The following NFE2L2 variants were observed in gnomAD, a reference collection of about 807,000 sequenced individuals.
The protein encoded by NFE2L2 is nuclear factor erythroid 2-related factor 2.
In NFE2L2, 20 loss-of-function variants were observed where a neutral mutation model predicts 49.6. The observed-to-expected ratio is 0.40, with a 90% confidence interval of 0.28 to 0.59. The LOEUF is 0.59. Among genes scored for constraint, NFE2L2 ranks in the 20% least tolerant of loss-of-function variants. The pLI is 0.40. For missense variants in NFE2L2, 578 were observed against 714.2 expected (o/e 0.81, Z 2.17); for synonymous variants, 244 against 256.5 (o/e 0.95, Z 0.47).
intron 1 of NFE2L2, among the ~76,000 whole-genome samples, chr2:177,239,037 AC>A (rs1689857004): frequency 1.3e-5 from 2 of 152,200 alleles, no homozygotes; most frequent in Admixed American, 1.3e-4. Flanking sequence ...TGCTGTGAGT[AC>A]CCTTCAATGG....
chr2:177,244,993 ACT>A lies in NFE2L2; in HGVS notation c.46-10724_46-10723del, dbSNP rs1276721095. 1.2e-4 allele frequency among the ~76,000 whole-genome samples: 13 copies of A among 108,084 alleles called. No individual in the cohort carries two copies. In the Admixed American group the frequency reaches 1.6e-3, roughly 13 times the overall value. 70.9% of individuals were successfully genotyped at this position (108,084 alleles called of 152,430 possible). On this transcript the variant is annotated intron_variant, in intron 1 of 4. Coordinates refer to ENST00000397062, the MANE Select transcript of NFE2L2 (RefSeq NM_006164.5). Reference sequence around the variant, plus strand: ...ACTCCAGCCAGAAGGACAGAGTGAGACTCTGTCTCAAAAAAAAAAAAAAAAAA... The same window carrying A: ...ACTCCAGCCAGAAGGACAGAGTGAGACTGTCTCAAAAAAAAAAAAAAAAAA...
At chr2:177,234,420 T>C in intron 1 of NFE2L2, 149 bp from the exon 2 acceptor site, 1 of 944,002 alleles carries the variant, frequency 1.1e-6, no homozygotes, top group Non-Finnish European at 1.5e-6. Flanking sequence ...TCCAATGTTC[T>C]AGAAGAGCAC....
intron 1 of NFE2L2, among the ~76,000 whole-genome samples, chr2:177,245,764 C>T (rs1217594294): frequency 6.6e-6 from 1 of 152,108 alleles, no homozygotes; most frequent in Non-Finnish European, 1.5e-5. Flanking sequence ...CACCTGCCAC[C>T]ATGCCCAGCT....
At position 177,264,662 on chromosome 2, in the gene NFE2L2, T is replaced by TGGCGGCGGCGGCGGCGGTGGCGGC. The variant is rs1690872551; in HGVS notation, c.-110_-87dup. On this transcript the variant is annotated 5_prime_UTR_variant, in exon 1 of 5. Coordinates refer to ENST00000397062, the MANE Select transcript of NFE2L2 (RefSeq NM_006164.5). Reference sequence around the variant, plus strand: ...CGCGGCGCGGACAGGGCGGCTCTGGTGGCGGCGGCGGCGGCGGTGGCGGCT... The same window carrying TGGCGGCGGCGGCGGCGGTGGCGGC: ...CGCGGCGCGGACAGGGCGGCTCTGGTGGCGGCGGCGGCGGCGGTGGCGGCGGCGGCGGCGGCGGCGGTGGCGGCT... The TGGCGGCGGCGGCGGCGGTGGCGGC allele has an allele frequency of 1.7e-6, 2 of 1,174,688 alleles. No homozygotes were observed. Among genetic ancestry groups the TGGCGGCGGCGGCGGCGGTGGCGGC allele is most frequent in the South Asian group, 5.9e-5 (2 of 34,152 alleles). The allele number at this position is 1,174,688 out of a possible 1,614,324, so 72.8% of individuals were successfully genotyped here. A position where few individuals can be genotyped will look rare whatever the true frequency, so the allele number is the denominator to read the frequency against.
chr2:177,232,960 C>T, intron 3 of NFE2L2: 1 of 490,580 alleles, frequency 2.0e-6, no homozygotes, highest in Middle Eastern at 5.3e-4. Flanking sequence ...TAGATACTTG[C>T]AGCAAATGGG....
Position 177,232,553 on chromosome 2 carries a change from GA to G in NFE2L2, c.432del (p.Pro145LeufsTer28). The G allele has an allele frequency of 6.2e-7, 1 of 1,613,984 alleles. No individual in the cohort carries two copies. The highest frequency in any genetic ancestry group is 8.5e-7 in the Non-Finnish European group (1 of 1,179,922). On this transcript the variant is annotated frameshift_variant, in exon 4 of 5. Transcript: ENST00000397062. LOFTEE classifies it high-confidence loss of function. Reference sequence around the variant, plus strand: ...CTCTCGATGTGACCGGGAATATCAGGAACAAGTGACTGAAACGTAGCCGAAG... The same window carrying G: ...CTCTCGATGTGACCGGGAATATCAGGACAAGTGACTGAAACGTAGCCGAAG... ...EVSSATFQSL[V>X]PDIPGHIESP...
intron 1 of NFE2L2, among the ~76,000 whole-genome samples, chr2:177,260,204 A>C (rs527931070): frequency 1.3e-5 from 2 of 152,226 alleles, no homozygotes; most frequent in African/African-American, 4.8e-5. Flanking sequence ...ATACATTTCT[A>C]CAGTCAGAGA....
In NFE2L2 at chr2:177,232,525, G is replaced by A. The variant is rs755625172; in HGVS notation, c.461C>T (p.Pro154Leu). 2 of 1,614,066 alleles carry A rather than the reference G, an allele frequency of 1.2e-6. No homozygotes were observed. Among genetic ancestry groups the A allele is most frequent in the South Asian group, 1.1e-5 (1 of 91,076 alleles). Reference protein sequence around the residue: ...VPDIPGHIESPVFIATNQAQS... With the variant: ...VPDIPGHIESLVFIATNQAQS... The stretch of plus-strand genomic sequence containing the variant: ...AGCCTGATTAGTAGCAATGAAGACT[G>A]GGCTCTCGATGTGACCGGGAATATC... Residue 154 changes from proline to leucine, a missense_variant, in exon 4 of 5, where the codon CCA (proline) becomes CTA (leucine). Around this residue, in one of 3 missense-constraint regions of NFE2L2, gnomAD observed 368 missense variants for 384.6 expected, o/e 0.96. Coordinates refer to ENST00000397062, the MANE Select transcript of NFE2L2 (RefSeq NM_006164.5).
intron 1 of NFE2L2, among the ~76,000 whole-genome samples, chr2:177,235,687 C>T (rs1408472943): frequency 5.9e-5 from 9 of 151,810 alleles, no homozygotes; most frequent in African/African-American, 1.9e-4. Context: ...ATTAGTTGCA[C>T]GTGGTGATAC....
At chr2:177,263,424 T>C in intron 1 of NFE2L2, 1 of 985,482 alleles carries the variant, frequency 1.0e-6, no homozygotes, top group Non-Finnish European at 1.2e-6. Flanking sequence ...CAGAAGAGAA[T>C]ATCCCGTCTT....
chr2:177,259,867 G>C (rs977164491), intron 1 of NFE2L2, among the ~76,000 whole-genome samples: 2 of 152,128 alleles, frequency 1.3e-5, no homozygotes, highest in African/African-American at 4.8e-5. Context: ...GGGAGGTGGA[G>C]CTTGCAGTGA....
chr2:177,250,578 G>C (rs919279091), intron 1 of NFE2L2, among the ~76,000 whole-genome samples: 1 of 152,194 alleles, frequency 6.6e-6, no homozygotes, highest in Admixed American at 6.5e-5. Flanking sequence ...ACCCAGGTGG[G>C]TAGTAGTATG....
chr2:177,233,018 G>C (rs1689611749), intron 3 of NFE2L2: 1 of 518,894 alleles, frequency 1.9e-6, no homozygotes. Flanking sequence ...CTATGCAATA[G>C]TCAATGGTTT....
At chr2:177,262,224 C>T (rs541514249) in intron 1 of NFE2L2, among the ~76,000 whole-genome samples, 5 of 152,312 alleles carry the variant, frequency 3.3e-5, no homozygotes, top group African/African-American at 1.2e-4. Flanking sequence ...GATGAGAGGC[C>T]TGTCCTATTT....
rs1346762075 is a variant in NFE2L2 at position 177,231,391 on chromosome 2, T to C, written c.1212A>G (p.Val404=). ...KTPVHSSGDM[V]QPLSPSQGQS... ...GCCCCTGAGATGGTGACAAGGGTTG[T>C]ACCATATCCCCAGAAGAATGTACTG... The change falls in exon 5 of 5, where the codon GTA becomes GTG. Residue 404 remains valine (V), a synonymous_variant. Transcript: ENST00000397062. The C allele has an allele frequency of 1.4e-5, 23 of 1,614,164 alleles. No individual in the cohort carries two copies. Among genetic ancestry groups the C allele is most frequent in the Non-Finnish European group, 1.9e-5 (23 of 1,180,056 alleles).
At chr2:177,246,917 T>G (rs1690152956) in intron 1 of NFE2L2, among the ~76,000 whole-genome samples, 1 of 151,968 alleles carries the variant, frequency 6.6e-6, no homozygotes, top group African/African-American at 2.4e-5. Context: ...CTATTTTTAA[T>G]GACTGGACAT....
At chr2:177,233,172 C>T (rs777701639) in intron 3 of NFE2L2, 78 bp downstream of exon 3, 80 of 1,175,558 alleles carry the variant, frequency 6.8e-5, no homozygotes, top group Middle Eastern at 3.8e-4. Flanking sequence ...GATTCATTGA[C>T]GGGACTTACA....
At position 177,247,401 on chromosome 2, in the gene NFE2L2, C is replaced by T. The variant is rs1206618462; in HGVS notation, c.46-13130G>A. Reference sequence around the variant, plus strand: ...TAAAGGCCGGGCGCCGTGGCTCAAGCCTGTAATCCCAGCACTTTGGGAGGC... The same window carrying T: ...TAAAGGCCGGGCGCCGTGGCTCAAGTCTGTAATCCCAGCACTTTGGGAGGC... On this transcript the variant is annotated intron_variant, in intron 1 of 4. Transcript: ENST00000397062. Among the ~76,000 whole-genome samples, 3 of 152,252 alleles carry T rather than the reference C, an allele frequency of 2.0e-5. No individual in the cohort carries two copies. In the South Asian group the frequency reaches 6.2e-4, roughly 32 times the overall value.
At chr2:177,232,721 G>A (rs1428915812) in intron 3 of NFE2L2, 138 bp from the exon 4 acceptor site, 5 of 768,986 alleles carry the variant, frequency 6.5e-6, no homozygotes, top group Non-Finnish European at 1.0e-5. Context: ...GACCCCGTTT[G>A]TAAATAACAA....
Sources: gnomAD v4.1 joint callset for allele counts (sites outside exome capture counted in the v4.1 genomes callset) on GRCh38, gnomAD v4.1.1 for gene constraint, gnomAD v4.1.1 regional missense constraint, MANE v1.5 for transcripts, NCBI Gene and HGNC (gene_info 2026-07-23, HGNC 2026-07-21) for gene names.